The following NRG3 variants were observed in gnomAD, a reference collection of about 807,000 sequenced individuals.
NRG3 encodes the protein pro-neuregulin-3, membrane-bound isoform.
A neutral mutation model predicts 66.9 loss-of-function variants in NRG3; 31 were observed. The ratio of observed to expected loss-of-function variants is 0.46; its 90% confidence interval spans 0.35 to 0.63. NRG3 has a LOEUF of 0.63. Ranked by LOEUF, NRG3 falls within the 20% of genes least tolerant of loss-of-function variation. The pLI, the probability that NRG3 is intolerant of heterozygous loss-of-function variation, is 0.00. For synonymous variants in NRG3, 393 were observed against 359.4 expected (o/e 1.09, Z -1.06); for missense variants, 910 against 878.9 (o/e 1.04, Z -0.45).
At chr10:82,426,496 GT>G (rs755002122) in intron 2 of NRG3, among the ~76,000 whole-genome samples, 543 of 140,384 alleles carry the variant, frequency 3.9e-3, no homozygotes, top group African/African-American at 0.011. Flanking sequence ...CTATTTTCAG[GT>G]TTTTTTTTTT....
chr10:82,539,708 A>C (rs2000022), intron 2 of NRG3, among the ~76,000 whole-genome samples: 8,306 of 151,618 alleles, frequency 0.055, 518 homozygotes, highest in East Asian at 0.16. Context: ...ATCTCGTCTC[A>C]TTGCAACCTC....
intron 3 of NRG3, among the ~76,000 whole-genome samples, chr10:82,823,842 A>G (rs1159025819): frequency 6.6e-6 from 1 of 152,188 alleles, no homozygotes; most frequent in Non-Finnish European, 1.5e-5. Context: ...TAATTGACGT[A>G]TAATTCACGC....
chr10:82,032,793 A>G (rs1392690014), intron 1 of NRG3, among the ~76,000 whole-genome samples: 1 of 152,112 alleles, frequency 6.6e-6, no homozygotes, highest in Non-Finnish European at 1.5e-5. Flanking sequence ...TAAAATCTCA[A>G]CCATATTAAT....
At chr10:82,882,022 C>T in intron 4 of NRG3, among the ~76,000 whole-genome samples, 1 of 152,166 alleles carries the variant, frequency 6.6e-6, no homozygotes. Context: ...CTAACCTCAT[C>T]TCATCTACTC....
Position 82,141,269 on chromosome 10 carries a change from C to T in NRG3, c.824-217470C>T, listed in dbSNP as rs1207088511. 2.0e-5 allele frequency among the ~76,000 whole-genome samples: 3 copies of T among 152,088 alleles called. No homozygotes were observed. The South Asian group carries it at 6.2e-4, about 32-fold the overall frequency. On this transcript the variant is annotated intron_variant, in intron 1 of 8. Coordinates refer to ENST00000372141, the MANE Select transcript of NRG3 (RefSeq NM_001010848.4). ...TTGATGATTCAGGAAAGTAATTTCT[C>T]AAAATTTTTCCTTTTGCAAATGTGC... is the stretch of plus-strand genomic sequence containing the variant.
At chr10:82,833,109 A>T (rs2062608605) in intron 3 of NRG3, among the ~76,000 whole-genome samples, 1 of 152,140 alleles carries the variant, frequency 6.6e-6, no homozygotes, top group Non-Finnish European at 1.5e-5. Flanking sequence ...AGGTGCTCTT[A>T]ACTCTCAAAT....
intron 3 of NRG3, among the ~76,000 whole-genome samples, chr10:82,857,549 G>T (rs2063875649): frequency 6.6e-6 from 1 of 152,076 alleles, no homozygotes; most frequent in African/African-American, 2.4e-5. Flanking sequence ...GAACTGCAGT[G>T]GCCACAGATA....
chr10:82,580,901 TTGTGTGTGTG>T (rs56906298), intron 2 of NRG3, among the ~76,000 whole-genome samples: 12,110 of 147,272 alleles, frequency 0.082, 575 homozygotes, highest in East Asian at 0.15. Flanking sequence ...GTTTGTAAGT[TTGTGTGTGTG>T]TGTGTGTGTG....
At chr10:82,693,140 C>T (rs1220723397) in intron 2 of NRG3, among the ~76,000 whole-genome samples, 1 of 152,168 alleles carries the variant, frequency 6.6e-6, no homozygotes, top group Non-Finnish European at 1.5e-5. Context: ...CCACATTCTA[C>T]TTTGTCCAAT....
intron 1 of NRG3, among the ~76,000 whole-genome samples, chr10:82,284,059 A>T (rs767980695): frequency 1.3e-5 from 2 of 152,196 alleles, no homozygotes; most frequent in Non-Finnish European, 2.9e-5. Flanking sequence ...TCCAATACAG[A>T]CTGCAAGCTC....
chr10:82,281,697 C>T (rs17099718), intron 1 of NRG3, among the ~76,000 whole-genome samples: 20,991 of 152,006 alleles, frequency 0.14, 3,301 homozygotes, highest in African/African-American at 0.38. Flanking sequence ...GCCAGAGGTG[C>T]TTTCCCTGAT....
At chr10:82,205,829 T>C (rs946883343) in intron 1 of NRG3, among the ~76,000 whole-genome samples, 9 of 152,238 alleles carry the variant, frequency 5.9e-5, no homozygotes, top group African/African-American at 2.2e-4. Flanking sequence ...TCTTCACATG[T>C]ACTCCTTCAA....
At chr10:82,026,973 A>G (rs2062341784) in intron 1 of NRG3, among the ~76,000 whole-genome samples, 1 of 152,022 alleles carries the variant, frequency 6.6e-6, no homozygotes, top group Admixed American at 6.6e-5. Context: ...TAATCTAATT[A>G]TCAATCACCT....
intron 1 of NRG3, among the ~76,000 whole-genome samples, chr10:82,081,610 ATTTGGGAT>A (rs1450383657): frequency 6.6e-6 from 1 of 152,170 alleles, no homozygotes; most frequent in Admixed American, 6.5e-5. Flanking sequence ...ATTGCCTCAG[ATTTGGGAT>A]TTTAATTACA....
At chr10:82,089,984 T>C (rs778709711) in intron 1 of NRG3, among the ~76,000 whole-genome samples, 3 of 152,200 alleles carry the variant, frequency 2.0e-5, no homozygotes, top group African/African-American at 7.2e-5. Context: ...TTCCATGGCA[T>C]GGTGGGGTTG....
chr10:82,208,214 G>A (rs548259948), intron 1 of NRG3, among the ~76,000 whole-genome samples: 13 of 152,242 alleles, frequency 8.5e-5, no homozygotes, highest in Admixed American at 3.9e-4. Flanking sequence ...ACTAATATGC[G>A]AAGCCTTTCT....
chr10:82,346,942 T>A (rs1304774429), intron 1 of NRG3, among the ~76,000 whole-genome samples: 4 of 152,260 alleles, frequency 2.6e-5, no homozygotes, highest in Non-Finnish European at 5.9e-5. Flanking sequence ...TGCGTCTATT[T>A]GATTCTTCTC....
At chr10:82,845,757 C>T (rs2063282979) in intron 3 of NRG3, among the ~76,000 whole-genome samples, 1 of 151,976 alleles carries the variant, frequency 6.6e-6, no homozygotes, top group South Asian at 2.1e-4. Context: ...TGAAAAGATA[C>T]AACACAGTGG....
intron 2 of NRG3, among the ~76,000 whole-genome samples, chr10:82,608,945 T>A (rs1484705532): frequency 6.6e-6 from 1 of 152,192 alleles, no homozygotes; most frequent in Non-Finnish European, 1.5e-5. Flanking sequence ...TTGTCCATAC[T>A]GAGCCTTGAA....
Sources: allele counts gnomAD v4.1 joint callset (sites outside exome capture counted in the v4.1 genomes callset), GRCh38; gene constraint gnomAD v4.1.1; transcripts MANE v1.5; gene names NCBI Gene and HGNC (gene_info 2026-07-23, HGNC 2026-07-21).